RPS6KC1: variants seen among roughly 807,000 people sequenced by gnomAD.
The protein encoded by RPS6KC1 is ribosomal protein S6 kinase C1.
A neutral mutation model predicts 103.8 loss-of-function variants in RPS6KC1; 54 were observed. That is an observed-to-expected ratio of 0.52 (90% confidence interval 0.42 to 0.65). The LOEUF is 0.65. Among genes scored for constraint, RPS6KC1 ranks in the 30% least tolerant of loss-of-function variants. The pLI is 0.00. For synonymous variants in RPS6KC1, 439 were observed against 438.7 expected (o/e 1.00, Z -0.01); for missense variants, 1,151 against 1,253.8 (o/e 0.92, Z 1.24).
chr1:213,424,614 C>T, the RPS6KC1 span, among the ~76,000 whole-genome samples: 12 of 152,262 alleles, frequency 7.9e-5, no homozygotes, highest in South Asian at 2.1e-4. Context: ...CCCATGCTCC[C>T]ATCTGCACCC....
At chr1:213,729,787 T>G in the RPS6KC1 span, among the ~76,000 whole-genome samples, 1 of 152,158 alleles carries the variant, frequency 6.6e-6, no homozygotes, top group Non-Finnish European at 1.5e-5. Flanking sequence ...TTTTTTAACT[T>G]TAAGCTTGAG....
chr1:213,153,148 A>T (rs1572883395), intron 6 of RPS6KC1, among the ~76,000 whole-genome samples: 3 of 152,296 alleles, frequency 2.0e-5, no homozygotes, highest in Admixed American at 2.0e-4. Context: ...AGAGTCAGGC[A>T]GGGAGGTTGC....
the RPS6KC1 span, among the ~76,000 whole-genome samples, chr1:213,319,260 C>A: frequency 2.9e-5 from 4 of 139,590 alleles, no homozygotes; most frequent in African/African-American, 1.0e-4. Context: ...CTGCAGTGAG[C>A]CATGATTGCA....
At chr1:213,631,152 C>T in the RPS6KC1 span, among the ~76,000 whole-genome samples, 1 of 152,144 alleles carries the variant, frequency 6.6e-6, no homozygotes, top group Admixed American at 6.5e-5. Flanking sequence ...TGACCTCTTG[C>T]ACTTCCCTGG....
chr1:213,051,310 G>C lies in RPS6KC1; in HGVS notation c.-95G>C, dbSNP rs986269432. 1.3e-5 allele frequency: 12 copies of C among 898,372 alleles called. No homozygotes were observed. Among genetic ancestry groups the C allele is most frequent in the Non-Finnish European group, 2.1e-5 (12 of 568,376 alleles). 55.7% of individuals were successfully genotyped at this position (898,372 alleles called of 1,614,324 possible). On this transcript the variant is annotated 5_prime_UTR_variant, in exon 1 of 15. Transcript: ENST00000366960. ...GCCTTGGAGCCACCGCCCCCTCGCCGCTTCGCCGCTGCGTTGGGGAACCTG... is the reference window on the plus strand; with the variant it reads ...GCCTTGGAGCCACCGCCCCCTCGCCCCTTCGCCGCTGCGTTGGGGAACCTG...
chr1:213,586,963 C>T, the RPS6KC1 span, among the ~76,000 whole-genome samples: 2 of 152,212 alleles, frequency 1.3e-5, no homozygotes, highest in African/African-American at 4.8e-5. Flanking sequence ...TGGTCATGTG[C>T]CCTAATCCCC....
the RPS6KC1 span, among the ~76,000 whole-genome samples, chr1:213,549,684 C>G: frequency 6.8e-6 from 1 of 146,030 alleles, no homozygotes; most frequent in Non-Finnish European, 1.5e-5. Context: ...TAACAACATC[C>G]CCTGTCCATC....
chr1:213,832,358 C>A, the RPS6KC1 span, among the ~76,000 whole-genome samples: 1 of 152,174 alleles, frequency 6.6e-6, no homozygotes, highest in Non-Finnish European at 1.5e-5. Context: ...TCATCCCTTT[C>A]TGGGCCCTAT....
chr1:213,697,022 C>T, the RPS6KC1 span, among the ~76,000 whole-genome samples: 28 of 152,324 alleles, frequency 1.8e-4, no homozygotes, highest in South Asian at 6.2e-4. Flanking sequence ...GGGATCCCTG[C>T]GCCCCCTCCT....
the RPS6KC1 span, among the ~76,000 whole-genome samples, chr1:213,834,772 ATC>A: frequency 6.6e-6 from 1 of 152,082 alleles, no homozygotes; most frequent in Non-Finnish European, 1.5e-5. Flanking sequence ...TTTTCACAGT[ATC>A]TCTGCAGGCT....
At chr1:213,701,165 T>A in the RPS6KC1 span, among the ~76,000 whole-genome samples, 1 of 148,912 alleles carries the variant, frequency 6.7e-6, no homozygotes, top group Non-Finnish European at 1.5e-5. Flanking sequence ...AGTTTTTCCT[T>A]ATTTGGTGTG....
chr1:213,069,825 C>T (rs534309867), intron 1 of RPS6KC1, among the ~76,000 whole-genome samples: 4 of 152,260 alleles, frequency 2.6e-5, no homozygotes, highest in South Asian at 4.1e-4. Context: ...GTTAATTTGA[C>T]ACTTACATGG....
At chr1:213,178,989 G>T (rs2092080700) in intron 8 of RPS6KC1, among the ~76,000 whole-genome samples, 1 of 152,000 alleles carries the variant, frequency 6.6e-6, no homozygotes. Context: ...GAAAGTGCTG[G>T]GATTACAGGT....
the RPS6KC1 span, among the ~76,000 whole-genome samples, chr1:213,335,672 G>C: frequency 6.6e-6 from 1 of 152,200 alleles, no homozygotes; most frequent in South Asian, 2.1e-4. Flanking sequence ...GCCACACCAA[G>C]ATACAAGGGA....
chr1:213,588,547 C>T, the RPS6KC1 span, among the ~76,000 whole-genome samples: 1 of 152,136 alleles, frequency 6.6e-6, no homozygotes, highest in Admixed American at 6.5e-5. Flanking sequence ...GATCTGCCCT[C>T]CTCAGCCTCC....
the RPS6KC1 span, among the ~76,000 whole-genome samples, chr1:213,409,224 T>A: frequency 6.6e-6 from 1 of 152,044 alleles, no homozygotes; most frequent in African/African-American, 2.4e-5. Flanking sequence ...AGGTTGGTGC[T>A]AAAGTTATTG....
chr1:213,627,316 T>C, the RPS6KC1 span, among the ~76,000 whole-genome samples: 1 of 152,190 alleles, frequency 6.6e-6, no homozygotes, highest in South Asian at 2.1e-4. Flanking sequence ...CTTAAGGAGA[T>C]TTTGGGCTGA....
intron 6 of RPS6KC1, among the ~76,000 whole-genome samples, chr1:213,155,625 AGCTGGGGTGC>A (rs2089795829): frequency 6.6e-6 from 1 of 151,978 alleles, no homozygotes; most frequent in African/African-American, 2.4e-5. Flanking sequence ...CTCCAGTAGG[AGCTGGGGTGC>A]AGGGGGTGAC....
intron 8 of RPS6KC1, among the ~76,000 whole-genome samples, chr1:213,189,480 A>G (rs1053623479): frequency 8.0e-5 from 12 of 150,420 alleles, no homozygotes; most frequent in Admixed American, 6.6e-4. Context: ...GTGTACGTTG[A>G]CATATCCTCA....
Sources: gnomAD v4.1 joint callset for allele counts (sites outside exome capture counted in the v4.1 genomes callset) on GRCh38, gnomAD v4.1.1 for gene constraint, MANE v1.5 for transcripts, NCBI Gene and HGNC (gene_info 2026-07-23, HGNC 2026-07-21) for gene names.